VPS35L: variants seen among roughly 807,000 people sequenced by gnomAD.
VPS35L encodes VPS35 endosomal protein sorting factor like, also known as VPS35 endosomal protein-sorting factor-like.
Under a neutral mutation model 133.0 loss-of-function variants are expected in VPS35L, and 83 were observed. The observed-to-expected ratio is 0.62, with a 90% confidence interval of 0.52 to 0.75. The LOEUF is 0.75. VPS35L is among the 30% of genes least tolerant of loss of function. The pLI is 0.00. For synonymous variants in VPS35L, 423 were observed against 449.9 expected (o/e 0.94, Z 0.76); for missense variants, 1,083 against 1,206.8 (o/e 0.90, Z 1.52).
intron 29 of VPS35L, among the ~76,000 whole-genome samples, chr16:19,695,699 TG>T (rs1468852242): frequency 1.3e-5 from 2 of 151,982 alleles, no homozygotes; most frequent in African/African-American, 2.4e-5. Flanking sequence ...CCTGAGTAGC[TG>T]GGACTACTCA....
In VPS35L at chr16:19,568,097, T is replaced by G. The variant is rs187400166; in HGVS notation, c.118-1327T>G. On this transcript the variant is annotated intron_variant, in intron 2 of 30. Transcript: ENST00000417362. ...TGGCTCACAGAACTAGGGAAACATTTACTTATACTTACCAGTTTATTATTT... is the reference window on the plus strand; with the variant it reads ...TGGCTCACAGAACTAGGGAAACATTGACTTATACTTACCAGTTTATTATTT... 1.8e-4 allele frequency among the ~76,000 whole-genome samples: 28 copies of G among 152,310 alleles called. No individual in the cohort carries two copies. In the Middle Eastern group the frequency reaches 0.014, roughly 74 times the overall value.
intron 9 of VPS35L, among the ~76,000 whole-genome samples, chr16:19,604,454 A>G (rs1972482852): frequency 2.0e-5 from 3 of 152,122 alleles, no homozygotes; most frequent in African/African-American, 7.2e-5. Context: ...TCCCTCTCCA[A>G]ATAACTATTT....
At chr16:19,564,771 C>T (rs1971135129) in intron 1 of VPS35L, 80 bp from the exon 2 acceptor site, 5 of 930,830 alleles carry the variant, frequency 5.4e-6, no homozygotes, top group African/African-American at 1.6e-5. Context: ...ACTACCTTGT[C>T]ATTGAAGAAG....
At chr16:19,585,923 GGTCTTGCTCTATGACTCCAGATGGAGTGC>G (rs1971849602) in intron 7 of VPS35L, among the ~76,000 whole-genome samples, 4 of 151,916 alleles carry the variant, frequency 2.6e-5, no homozygotes, top group African/African-American at 9.7e-5. Flanking sequence ...TGGGAGACAA[GGTCTTGCTCTATGACTCCAGATGGAGTGC>G]AGTGGTGCCA....
chr16:19,685,097 CAT>C (rs1416994702), intron 28 of VPS35L, among the ~76,000 whole-genome samples: 2 of 150,638 alleles, frequency 1.3e-5, no homozygotes, highest in Non-Finnish European at 3.0e-5. Flanking sequence ...TATTATATAA[CAT>C]ATATGCAATA....
At chr16:19,577,276 C>T (rs1971568443) in intron 5 of VPS35L, among the ~76,000 whole-genome samples, 1 of 152,116 alleles carries the variant, frequency 6.6e-6, no homozygotes, top group Non-Finnish European at 1.5e-5. Context: ...CAGGTGTGTG[C>T]AGAGATTGCA....
At chr16:19,589,583 T>G (rs1174953626) in intron 7 of VPS35L, among the ~76,000 whole-genome samples, 2 of 152,224 alleles carry the variant, frequency 1.3e-5, no homozygotes, top group Non-Finnish European at 2.9e-5. Flanking sequence ...GTTACCTGAT[T>G]CTTATCAGAC....
rs1973726493 is a variant in VPS35L at position 19,639,678 on chromosome 16, A to G, written c.1699-337A>G. 6.6e-6 allele frequency among the ~76,000 whole-genome samples: 1 copy of G among 152,110 alleles called. No individual in the cohort carries two copies. Among genetic ancestry groups the G allele is most frequent in the Non-Finnish European group, 1.5e-5 (1 of 68,024 alleles). ...CAAGTAGCTGGGACTACAGGCATGC[A>G]TCACCATGCCTGGTTTATTTTTGTA... On this transcript the variant is annotated intron_variant, in intron 20 of 30. Transcript: ENST00000417362. This position sits in a 1 kb window ranked among gnomAD's most constrained non-coding sequence, Gnocchi z 4.1.
In VPS35L at chr16:19,624,018, G is replaced by A. The variant is rs191650351; in HGVS notation, c.1225-2159G>A. ...GAGGTTTCGCCATGTTGCCCAGACT[G>A]GTCTTGAACTCCTAAGGTCAAGCCA... On this transcript the variant is annotated intron_variant, in intron 14 of 30. Coordinates refer to ENST00000417362, the MANE Select transcript of VPS35L (RefSeq NM_020314.7). Among the ~76,000 whole-genome samples, 211 of 149,676 alleles carry A rather than the reference G, an allele frequency of 1.4e-3. 2 individuals carry two copies. Among genetic ancestry groups the A allele is most frequent in the Non-Finnish European group, 2.4e-4 (16 of 67,674 alleles).
chr16:19,607,867 T>C (rs571372874), intron 9 of VPS35L: 13 of 240,916 alleles, frequency 5.4e-5, no homozygotes, highest in African/African-American at 2.7e-4. Flanking sequence ...CTTGGGTGAG[T>C]CACTACATTC....
intron 27 of VPS35L, among the ~76,000 whole-genome samples, chr16:19,679,468 ATTATTTATTTATTTATTTATTTATTTAT>A (rs139152185): frequency 8.1e-6 from 1 of 123,136 alleles, no homozygotes; most frequent in African/African-American, 3.2e-5. Flanking sequence ...GTTAAGAACA[ATTATTTATTTATTTATTTATTTATTTAT>A]TTATTTATTT....
At chr16:19,636,376 A>G (rs16972272) in intron 19 of VPS35L, among the ~76,000 whole-genome samples, 11,014 of 152,218 alleles carry the variant, frequency 0.072, 881 homozygotes, top group African/African-American at 0.19. Flanking sequence ...GAGCATTTTT[A>G]TAATGAAATA....
At chr16:19,557,634 C>CG (rs1970903346) in intron 1 of VPS35L, among the ~76,000 whole-genome samples, 1 of 152,134 alleles carries the variant, frequency 6.6e-6, no homozygotes. Context: ...CCGCCGACCT[C>CG]GGGTTCCCAA....
At position 19,650,454 on chromosome 16, in the gene VPS35L, G is replaced by T. The variant is rs1567455606; in HGVS notation, c.2101G>T (p.Val701Phe). Residue 701 changes from valine (V) to phenylalanine (F), a missense_variant, in exon 25 of 31, where the codon GTC (valine) becomes TTC (phenylalanine). Val to Phe is a conservative substitution (Grantham distance 50, BLOSUM62 -1). Transcript: ENST00000417362. ...TCATTCCAGAAAGACAGCTGCATTT[G>T]TCCGGGTATGTTCTTAAGATAAGGA... Reference protein sequence around the residue: ...GNHSRKTAAFVRACVAYCFIT... With the variant: ...GNHSRKTAAFFRACVAYCFIT... 3 of 1,613,000 alleles carry T rather than the reference G, an allele frequency of 1.9e-6. No homozygotes were observed. The highest frequency in any genetic ancestry group is 2.2e-5 in the South Asian group (2 of 91,054).
chr16:19,587,905 T>A (rs1270103142), intron 7 of VPS35L, among the ~76,000 whole-genome samples: 1 of 149,750 alleles, frequency 6.7e-6, no homozygotes, highest in Non-Finnish European at 1.5e-5. Context: ...GTTCAAGCGA[T>A]TTTCATACCT....
intron 7 of VPS35L, among the ~76,000 whole-genome samples, chr16:19,583,819 A>G (rs1472815874): frequency 6.6e-6 from 1 of 152,024 alleles, no homozygotes; most frequent in African/African-American, 2.4e-5. Flanking sequence ...TATTCCTCAT[A>G]TGTAGCTGTA....
chr16:19,630,331 T>G (rs1456339088), intron 18 of VPS35L, among the ~76,000 whole-genome samples: 2 of 115,718 alleles, frequency 1.7e-5, no homozygotes, highest in Non-Finnish European at 3.4e-5. Context: ...TAAAAGTTTT[T>G]TTTTTTTTTT....
chr16:19,640,068 G>C lies in VPS35L; in HGVS notation c.1752G>C (p.Glu584Asp). 2 of 1,614,190 alleles carry C rather than the reference G, an allele frequency of 1.2e-6. No homozygotes were observed. The highest frequency in any genetic ancestry group is 2.2e-5 in the South Asian group (2 of 91,082). ...TCCAAAAAGAGAGTGTGCGGGTGGAGGTTTGCAAATGCATCATGGACGCCT... is the reference window on the plus strand; with the variant it reads ...TCCAAAAAGAGAGTGTGCGGGTGGACGTTTGCAAATGCATCATGGACGCCT... The part of the protein sequence containing the change: ...DMFQKESVRV[E>D]VCKCIMDAFI... Residue 584 changes from glutamate to aspartate, a missense_variant, in exon 21 of 31, where the codon GAG becomes GAC. By Grantham distance (45) the Glu-to-Asp change is conservative. Coordinates refer to ENST00000417362, the MANE Select transcript of VPS35L (RefSeq NM_020314.7).
At chr16:19,664,006 C>T (rs557234570) in intron 26 of VPS35L, among the ~76,000 whole-genome samples, 118 of 152,006 alleles carry the variant, frequency 7.8e-4, no homozygotes, top group Non-Finnish European at 1.6e-3. Context: ...TCCCGAATAC[C>T]GTGTTCTTTC....
Sources: gnomAD v4.1 joint callset for allele counts (sites outside exome capture counted in the v4.1 genomes callset) on GRCh38, gnomAD v4.1.1 for gene constraint, Gnocchi (gnomAD v3.1) non-coding constraint, MANE v1.5 for transcripts, NCBI Gene and HGNC (gene_info 2026-07-23, HGNC 2026-07-21) for gene names.